The following NEK9 variants were observed in gnomAD, a reference collection of about 807,000 sequenced individuals.
The protein encoded by NEK9 is serine/threonine-protein kinase Nek9.
In NEK9, 75 loss-of-function variants were observed where a neutral mutation model predicts 123.4. The ratio of observed to expected loss-of-function variants is 0.61; its 90% CI spans 0.50 to 0.74. The LOEUF (loss-of-function observed/expected upper bound fraction) is 0.74, where lower values mean the gene tolerates loss of function less well. Among genes scored for constraint, NEK9 ranks in the 30% least tolerant of loss-of-function variants. The pLI is 0.00. For synonymous variants in NEK9, 438 were observed against 458.7 expected, an observed-to-expected ratio of 0.95 and a Z score of 0.58; for missense variants, 952 against 1,214.4, an observed-to-expected ratio of 0.78 and a Z score of 3.21.
At chr14:75,091,722 T>G (rs1894224523) in intron 18 of NEK9, 1 of 405,694 alleles carries the variant, frequency 2.5e-6, no homozygotes. Context: ...TTACCAACTT[T>G]GTTTATCTTG....
chr14:75,114,077 C>T, intron 7 of NEK9, 126 bp downstream of exon 7: 1 of 635,712 alleles, frequency 1.6e-6, no homozygotes, highest in Admixed American at 3.0e-5. Context: ...CTGGGTATAG[C>T]CACAAATACA....
chr14:75,103,053 G>A, intron 14 of NEK9, among the ~76,000 whole-genome samples: 2 of 150,966 alleles, frequency 1.3e-5, no homozygotes, highest in East Asian at 2.0e-4. Context: ...TAGGGTGGGG[G>A]AAGGGGGGAG....
At chr14:75,107,604 A>C in intron 10 of NEK9, 117 bp from the exon 11 acceptor site, 2 of 805,278 alleles carry the variant, frequency 2.5e-6, no homozygotes, top group Non-Finnish European at 1.8e-6. Flanking sequence ...CCTGGGCTCA[A>C]GTGATCCTCC....
At chr14:75,112,785 C>T (rs779118646) in intron 8 of NEK9, among the ~76,000 whole-genome samples, 9 of 152,200 alleles carry the variant, frequency 5.9e-5, no homozygotes, top group Non-Finnish European at 1.2e-4. Flanking sequence ...TGTGCCACTG[C>T]ACTCTAGCCT....
intron 19 of NEK9, among the ~76,000 whole-genome samples, chr14:75,090,428 T>C (rs1253993945): frequency 1.3e-5 from 2 of 152,202 alleles, no homozygotes; most frequent in African/African-American, 2.4e-5. Flanking sequence ...AAACTGTCAA[T>C]ACATAGTCTT....
At chr14:75,093,455 TTTTA>T (rs1478706149) in intron 18 of NEK9, among the ~76,000 whole-genome samples, 3 of 152,208 alleles carry the variant, frequency 2.0e-5, no homozygotes, top group Admixed American at 6.5e-5. Flanking sequence ...TTCATTTTAC[TTTTA>T]TTTATTTTTT....
intron 21 of NEK9, chr14:75,086,762 C>T (rs376981237): frequency 3.1e-5 from 12 of 387,836 alleles, no homozygotes; most frequent in South Asian, 1.7e-4. Context: ...CAAAATTAGC[C>T]GGGCATGGTG....
In NEK9 at chr14:75,084,510, T is replaced by A; in HGVS notation, c.*54A>T. ...AGCTGCTCTCTGCATTCGGTAAGTG[T>A]GCTGTGAAGTTCTTTGGGTCCCAGT... On this transcript the variant is annotated 3_prime_UTR_variant, in exon 22 of 22. Transcript: ENST00000238616. 6.2e-7 allele frequency: 1 copy of A among 1,606,458 alleles called. No individual in the cohort carries two copies. Among genetic ancestry groups the A allele is most frequent in the Non-Finnish European group, 8.5e-7 (1 of 1,174,734 alleles).
intron 14 of NEK9, among the ~76,000 whole-genome samples, chr14:75,103,543 A>G (rs1894660709): frequency 6.6e-6 from 1 of 152,228 alleles, no homozygotes; most frequent in Non-Finnish European, 1.5e-5. Context: ...ATCAAGATAT[A>G]GACCATTCCC....
At chr14:75,104,292 A>C (rs1346859222) in intron 13 of NEK9, among the ~76,000 whole-genome samples, 1 of 151,584 alleles carries the variant, frequency 6.6e-6, no homozygotes, top group Non-Finnish European at 1.5e-5. Flanking sequence ...CAGCCTCCCA[A>C]ATAGCTGGGA....
chr14:75,120,712 C>T lies in NEK9; in HGVS notation c.454-132G>A, dbSNP rs963121425. On this transcript the variant is annotated intron_variant, in intron 3 of 21. Coordinates refer to ENST00000238616, the MANE Select transcript of NEK9 (RefSeq NM_033116.6). ...GATTCAACATGACTTGACATCTCTT[C>T]CTTGCAGGTTGAGTAGGCAAAGAAA... 9.8e-5 allele frequency: 69 copies of T among 703,770 alleles called. No individual in the cohort carries two copies. In the South Asian group the frequency reaches 1.3e-3, roughly 13 times the overall value. 43.6% of individuals were successfully genotyped at this position (703,770 alleles called of 1,614,324 possible).
chr14:75,089,859 C>T (rs576051577), intron 19 of NEK9, among the ~76,000 whole-genome samples: 4 of 152,088 alleles, frequency 2.6e-5, no homozygotes, highest in South Asian at 2.1e-4. Context: ...CCACAACGCC[C>T]GGCTAATTTT....
rs1895165927 is a variant in NEK9, at chr14:75,117,047, C to A, written c.762+148G>T. 1.9e-5 allele frequency: 18 copies of A among 952,556 alleles called. No individual in the cohort carries two copies. In the South Asian group the frequency reaches 2.9e-4, roughly 15 times the overall value. 59.0% of individuals were successfully genotyped at this position (952,556 alleles called of 1,614,324 possible). A position where few individuals can be genotyped will look rare whatever the true frequency, so the allele number is the denominator to read the frequency against. On this transcript the variant is annotated intron_variant, in intron 6 of 21. Coordinates refer to ENST00000238616, the MANE Select transcript of NEK9 (RefSeq NM_033116.6). ...CCACTGCGCCTGGCTGGGTCTATAG[C>A]ATTTTAGTAATAGATTACTAATCTT...
At chr14:75,115,282 A>C (rs1895104723) in intron 6 of NEK9, among the ~76,000 whole-genome samples, 1 of 151,960 alleles carries the variant, frequency 6.6e-6, no homozygotes, top group Non-Finnish European at 1.5e-5. Context: ...TGCCTGGATA[A>C]TTTTTGTATT....
At chr14:75,123,966 T>C (rs1412650586) in intron 2 of NEK9, 80 bp downstream of exon 2, 2 of 1,219,296 alleles carry the variant, frequency 1.6e-6, no homozygotes, top group Non-Finnish European at 2.4e-6. Context: ...TGTATATGTC[T>C]CTTCTTATAT....
At chr14:75,086,972 C>T in intron 21 of NEK9, 46 bp downstream of exon 21, 1 of 1,565,202 alleles carries the variant, frequency 6.4e-7, no homozygotes, top group Non-Finnish European at 8.8e-7. Flanking sequence ...TTCTGTGATT[C>T]TTCAAAACAG....
chr14:75,126,620 C>G (rs971737282), intron 1 of NEK9, 83 bp downstream of exon 1: 106 of 1,142,666 alleles, frequency 9.3e-5, no homozygotes, highest in Non-Finnish European at 1.2e-4. Flanking sequence ...AAGCTCACGA[C>G]GCTGGGAAAG....
At chr14:75,105,247 CATA>C (rs1315712911) in intron 13 of NEK9, among the ~76,000 whole-genome samples, 1 of 150,884 alleles carries the variant, frequency 6.6e-6, no homozygotes, top group Non-Finnish European at 1.5e-5. Flanking sequence ...CCTAGAAATG[CATA>C]ATAATTTAAT....
At chr14:75,099,700 T>C (rs1894499665) in intron 16 of NEK9, among the ~76,000 whole-genome samples, 1 of 149,650 alleles carries the variant, frequency 6.7e-6, no homozygotes, top group South Asian at 2.1e-4. Context: ...GAGAATCGCT[T>C]GAACCTGGGA....
Sources: allele counts gnomAD v4.1 joint callset (sites outside exome capture counted in the v4.1 genomes callset), GRCh38; gene constraint gnomAD v4.1.1; transcripts MANE v1.5; gene names NCBI Gene and HGNC (gene_info 2026-07-23, HGNC 2026-07-21).